EPC2: variants seen among roughly 807,000 people sequenced by gnomAD.
EPC2 encodes the protein enhancer of polycomb 2.
Under a neutral mutation model 92.1 loss-of-function variants are expected in EPC2, and 14 were observed. That is an observed-to-expected ratio of 0.15 (90% CI 0.10 to 0.24). EPC2 has a LOEUF of 0.24. Among genes scored for constraint, EPC2 ranks in the 10% least tolerant of loss-of-function variants. The pLI, the probability that EPC2 is intolerant of heterozygous loss-of-function variation, is 1.00. For missense variants in EPC2, 755 were observed against 971.5 expected (o/e 0.78, Z 2.96); for synonymous variants, 340 against 334.7 (o/e 1.02, Z -0.17).
At chr2:148,728,297 CTTTT>C (rs1034194003) in intron 2 of EPC2, among the ~76,000 whole-genome samples, 1 of 150,988 alleles carries the variant, frequency 6.6e-6, no homozygotes, top group Non-Finnish European at 1.5e-5. Flanking sequence ...TAGCACCTTG[CTTTT>C]TTTGTTTGTT....
At chr2:148,767,814 T>C (rs1245614335) in intron 7 of EPC2, among the ~76,000 whole-genome samples, 1 of 152,158 alleles carries the variant, frequency 6.6e-6, no homozygotes. Flanking sequence ...GAATCGTAGT[T>C]AGGAGGAAGG....
At chr2:148,784,019 T>G (rs1683810671) in intron 12 of EPC2, among the ~76,000 whole-genome samples, 1 of 152,228 alleles carries the variant, frequency 6.6e-6, no homozygotes, top group East Asian at 1.9e-4. Context: ...TACTGTCAGT[T>G]GCCTCACATC....
intron 1 of EPC2, among the ~76,000 whole-genome samples, chr2:148,688,923 A>G (rs1025470184): frequency 2.0e-5 from 3 of 152,146 alleles, no homozygotes; most frequent in African/African-American, 7.2e-5. Context: ...GCAAAGTGGT[A>G]TGGAGGAAAG....
At chr2:148,680,133 G>C (rs1348718739) in intron 1 of EPC2, among the ~76,000 whole-genome samples, 6 of 150,020 alleles carry the variant, frequency 4.0e-5, no homozygotes, top group Non-Finnish European at 5.9e-5. Flanking sequence ...GTTCATTTTG[G>C]ACATAATGTT....
chr2:148,744,252 G>A (rs1177262522), intron 3 of EPC2, among the ~76,000 whole-genome samples: 1 of 152,004 alleles, frequency 6.6e-6, no homozygotes, highest in African/African-American at 2.4e-5. Context: ...ATTTAAAATG[G>A]CACTGTCTTT....
chr2:148,734,377 T>G (rs1682709014), intron 2 of EPC2, among the ~76,000 whole-genome samples: 1 of 152,050 alleles, frequency 6.6e-6, no homozygotes, highest in Non-Finnish European at 1.5e-5. Flanking sequence ...CTTTTTTTTT[T>G]GCAATACACT....
At chr2:148,711,535 T>A (rs1682142935) in intron 2 of EPC2, among the ~76,000 whole-genome samples, 1 of 152,186 alleles carries the variant, frequency 6.6e-6, no homozygotes. Flanking sequence ...CATGTGAGTT[T>A]TAGAAAAAGT....
chr2:148,689,200 C>T (rs566081275), intron 1 of EPC2, among the ~76,000 whole-genome samples: 3 of 150,502 alleles, frequency 2.0e-5, no homozygotes, highest in Non-Finnish European at 3.0e-5. Context: ...TTTTTTGAGA[C>T]GGAGTCTCGC....
chr2:148,742,103 G>A (rs1176463387), intron 2 of EPC2, among the ~76,000 whole-genome samples: 2 of 152,060 alleles, frequency 1.3e-5, no homozygotes, highest in African/African-American at 4.8e-5. Flanking sequence ...TTCCATGTAT[G>A]TGTAAACTAT....
chr2:148,725,732 A>G (rs138522648), intron 2 of EPC2, among the ~76,000 whole-genome samples: 19 of 152,208 alleles, frequency 1.2e-4, no homozygotes, highest in Non-Finnish European at 1.8e-4. Flanking sequence ...TATTTTCTCA[A>G]AAGTTCCTCA....
At chr2:148,736,699 T>C (rs1682764029) in intron 2 of EPC2, among the ~76,000 whole-genome samples, 1 of 152,008 alleles carries the variant, frequency 6.6e-6, no homozygotes, top group Admixed American at 6.6e-5. Context: ...CCACACTTAC[T>C]TTTTTTTAAT....
intron 2 of EPC2, among the ~76,000 whole-genome samples, chr2:148,731,339 G>C (rs1682623609): frequency 6.6e-6 from 1 of 152,160 alleles, no homozygotes; most frequent in Non-Finnish European, 1.5e-5. Context: ...TTGTGTTTCT[G>C]TCTTATTTAG....
intron 10 of EPC2, among the ~76,000 whole-genome samples, chr2:148,781,336 G>A (rs960533817): frequency 1.3e-5 from 2 of 151,996 alleles, no homozygotes; most frequent in Non-Finnish European, 2.9e-5. Context: ...CCATAATATA[G>A]AGAATTAAGA....
At chr2:148,758,930 A>C (rs1683246069) in intron 4 of EPC2, among the ~76,000 whole-genome samples, 1 of 152,222 alleles carries the variant, frequency 6.6e-6, no homozygotes, top group Admixed American at 6.5e-5. Flanking sequence ...GGAATATTCT[A>C]CAACATAGTC....
intron 1 of EPC2, among the ~76,000 whole-genome samples, chr2:148,667,864 A>G (rs990517840): frequency 2.0e-5 from 3 of 152,122 alleles, no homozygotes; most frequent in South Asian, 2.1e-4. Flanking sequence ...CTTTTTCTGT[A>G]TCTGTAGAGA....
At chr2:148,730,403 TGTATTTCACA>T (rs1353363135) in intron 2 of EPC2, among the ~76,000 whole-genome samples, 1 of 152,246 alleles carries the variant, frequency 6.6e-6, no homozygotes, top group Admixed American at 6.5e-5. Flanking sequence ...TAAAGTTCAG[TGTATTTCACA>T]GTTACCACAA....
chr2:148,749,894 A>T (rs1034676776), intron 3 of EPC2, among the ~76,000 whole-genome samples: 40 of 152,116 alleles, frequency 2.6e-4, no homozygotes, highest in African/African-American at 9.4e-4. Context: ...CTTCCATTTC[A>T]TCTCATTTAA....
intron 2 of EPC2, among the ~76,000 whole-genome samples, chr2:148,694,328 TC>T (rs1681702006): frequency 6.6e-6 from 1 of 152,208 alleles, no homozygotes; most frequent in Non-Finnish European, 1.5e-5. Flanking sequence ...ACATTCTTGT[TC>T]CTTCTGATCC....
chr2:148,663,665 T>G (rs993904345), intron 1 of EPC2, among the ~76,000 whole-genome samples: 34 of 146,642 alleles, frequency 2.3e-4, no homozygotes, highest in African/African-American at 8.6e-4. Context: ...ATCACTGGCT[T>G]TCTTATTCAC....
Sources: gnomAD v4.1 joint callset for allele counts (sites outside exome capture counted in the v4.1 genomes callset) on GRCh38, gnomAD v4.1.1 for gene constraint, MANE v1.5 for transcripts, NCBI Gene and HGNC (gene_info 2026-07-23, HGNC 2026-07-21) for gene names.